The following LRRC43 variants were observed in gnomAD, a reference collection of about 807,000 sequenced individuals.
LRRC43 encodes leucine rich repeat containing 43.
A neutral mutation model predicts 64.3 loss-of-function variants in LRRC43; 62 were observed. The ratio of observed to expected loss-of-function variants is 0.96; its 90% confidence interval spans 0.79 to 1.19. The LOEUF is 1.19. Ranked by LOEUF, LRRC43 falls within the 50% of genes most tolerant of loss-of-function variation. The pLI, the probability that LRRC43 is intolerant of heterozygous loss-of-function variation, is 0.00. For missense variants in LRRC43, 868 were observed against 845.0 expected, an observed-to-expected ratio of 1.03 and a Z score of -0.34; for synonymous variants, 422 against 382.3, an observed-to-expected ratio of 1.10 and a Z score of -1.21.
At chr12:122,176,478 C>T (rs1953537811) in intron 1 of LRRC43, among the ~76,000 whole-genome samples, 1 of 151,832 alleles carries the variant, frequency 6.6e-6, no homozygotes, top group Admixed American at 6.6e-5. Context: ...AGTAGGGAAA[C>T]ATAAGATCAG....
chr12:122,194,240 C>T (rs1015265405), intron 7 of LRRC43, among the ~76,000 whole-genome samples: 1 of 151,232 alleles, frequency 6.6e-6, no homozygotes, highest in Non-Finnish European at 1.5e-5. Context: ...TGTTAACCTT[C>T]TTAGTTACCA....
At chr12:122,186,344 C>A in intron 3 of LRRC43, 44 bp downstream of exon 3, 1 of 1,286,902 alleles carries the variant, frequency 7.8e-7, no homozygotes, top group Non-Finnish European at 1.1e-6. Context: ...GCCTCCGCTG[C>A]CCAGAGGCCT....
At chr12:122,194,469 G>A (rs1953754762) in intron 7 of LRRC43, among the ~76,000 whole-genome samples, 1 of 151,480 alleles carries the variant, frequency 6.6e-6, no homozygotes. Flanking sequence ...CTTAGGCTGG[G>A]GCAGGAGAAT....
chr12:122,186,179 C>G lies in LRRC43; in HGVS notation c.412-11C>G. On this transcript the variant is annotated splice_polypyrimidine_tract_variant and intron_variant, in intron 2 of 11. Coordinates refer to ENST00000339777, the MANE Select transcript of LRRC43 (RefSeq NM_001098519.2). ...CTGCTACAGCCCTCAGCTTCCTCTCCCCTCTTCCAGGTCACCCTGGTGGAT... is the reference window on the plus strand; with the variant it reads ...CTGCTACAGCCCTCAGCTTCCTCTCGCCTCTTCCAGGTCACCCTGGTGGAT... 1 of 1,522,700 alleles carries G rather than the reference C, an allele frequency of 6.6e-7. No homozygotes were observed. The allele number at this position is 1,522,700 out of a possible 1,614,324, so 94.3% of individuals were successfully genotyped here.
chr12:122,184,514 T>A lies in LRRC43; in HGVS notation c.151-5T>A. On this transcript the variant is annotated splice_region_variant and splice_polypyrimidine_tract_variant and intron_variant, in intron 1 of 11. Transcript: ENST00000339777. The surrounding 1 kb of genome is among the most constrained non-coding windows in gnomAD (Gnocchi z 4.0). ...CTACAGAAAATCCCTCCTCTGCCAC[T>A]GCAGAATAAGTCGCGCTTTCTTCCT... is the stretch of plus-strand genomic sequence containing the variant. The A allele has an allele frequency of 6.2e-7, 1 of 1,612,596 alleles. No individual in the cohort carries two copies. The highest frequency in any genetic ancestry group is 2.2e-5 in the East Asian group (1 of 44,866).
In LRRC43 at chr12:122,189,971, C is replaced by T. The variant is rs1953695339; in HGVS notation, c.663-159C>T. The T allele has an allele frequency of 5.7e-6, 4 of 696,682 alleles. No individual in the cohort carries two copies. The South Asian group carries it at 6.6e-5, about 11-fold the overall frequency. 43.2% of individuals were successfully genotyped at this position (696,682 alleles called of 1,614,324 possible). ...GGAGATGAAGAGCCAGGCACTCGTT[C>T]CCGACCCGGGGTTAACTTGGGTCAA... On this transcript the variant is annotated intron_variant, in intron 4 of 11. Coordinates refer to ENST00000339777, the MANE Select transcript of LRRC43 (RefSeq NM_001098519.2).
At chr12:122,168,599 A>G (rs1168826715) in intron 1 of LRRC43, among the ~76,000 whole-genome samples, 1 of 152,040 alleles carries the variant, frequency 6.6e-6, no homozygotes, top group Non-Finnish European at 1.5e-5. Context: ...ATTTTAAGTA[A>G]TTTTAGATTT....
chr12:122,190,255 T>C lies in LRRC43; in HGVS notation c.788T>C (p.Val263Ala). 3 of 1,614,166 alleles carry C rather than the reference T, an allele frequency of 1.9e-6. No individual in the cohort carries two copies. Among genetic ancestry groups the C allele is most frequent in the Non-Finnish European group, 2.5e-6 (3 of 1,180,042 alleles). ...CTGCAGGGAAACCCACTGGCCTTGG[T>C]GCCCTACTACCGCGGCCTCACCATC... ...LVLQGNPLAL[V>A]PYYRGLTIDS... Residue 263 changes from valine (V) to alanine (A), a missense_variant, in exon 5 of 12, where the codon GTG (valine) becomes GCG (alanine). Transcript: ENST00000339777.
chr12:122,173,805 T>C (rs1953511310), intron 1 of LRRC43: 1 of 1,590,622 alleles, frequency 6.3e-7, no homozygotes, highest in Admixed American at 1.7e-5. Context: ...AAGGCATTTT[T>C]AAGAAATCGT....
intron 11 of LRRC43, among the ~76,000 whole-genome samples, chr12:122,202,692 CA>C (rs1484967152): frequency 6.6e-6 from 1 of 152,202 alleles, no homozygotes; most frequent in Non-Finnish European, 1.5e-5. Flanking sequence ...TTGGTAAATT[CA>C]TGGTGGCAGA....
At chr12:122,197,298 T>G (rs1953781856) in intron 7 of LRRC43, among the ~76,000 whole-genome samples, 1 of 151,432 alleles carries the variant, frequency 6.6e-6, no homozygotes, top group South Asian at 2.1e-4. Context: ...GTAGCTGGGA[T>G]TACAGATGCA....
intron 7 of LRRC43, 21 bp downstream of exon 7, chr12:122,193,025 C>A (rs767426885): frequency 1.9e-6 from 3 of 1,611,384 alleles, no homozygotes; most frequent in Middle Eastern, 1.8e-4. Flanking sequence ...AAATCTGAAC[C>A]AGGGCAAGTG....
Position 122,187,848 on chromosome 12 carries a change from G to A in LRRC43, c.662+8G>A, listed in dbSNP as rs371628171. ...CGTCACCGCTAATCACTGGTAACTC[G>A]GGAGCCCAGATGGAAAGTGAGAGGG... is the stretch of plus-strand genomic sequence containing the variant. On this transcript the variant is annotated splice_region_variant and intron_variant, in intron 4 of 11. Transcript: ENST00000339777. The A allele has an allele frequency of 1.2e-5, 20 of 1,613,662 alleles. No homozygotes were observed. The highest frequency in any genetic ancestry group is 3.3e-5 in the Admixed American group (2 of 59,996).
intron 1 of LRRC43, chr12:122,172,586 G>T: frequency 6.2e-7 from 1 of 1,614,168 alleles, no homozygotes; most frequent in South Asian, 1.1e-5. Flanking sequence ...GGTGCTCTAT[G>T]ATCTCATCAA....
intron 4 of LRRC43, chr12:122,189,452 C>T (rs769648591): frequency 4.2e-5 from 19 of 456,698 alleles, no homozygotes; most frequent in East Asian, 1.4e-4. Context: ...GTGCTGACAG[C>T]GGCCGCTTGT....
At chr12:122,195,665 T>C (rs1164348088) in intron 7 of LRRC43, among the ~76,000 whole-genome samples, 1 of 152,212 alleles carries the variant, frequency 6.6e-6, no homozygotes, top group Non-Finnish European at 1.5e-5. Flanking sequence ...CTTCCTGCTT[T>C]CAGGATTTTC....
At chr12:122,185,663 G>T (rs192198694) in intron 2 of LRRC43, among the ~76,000 whole-genome samples, 1 of 152,328 alleles carries the variant, frequency 6.6e-6, no homozygotes, top group African/African-American at 2.4e-5. Context: ...GTAGCAGTTT[G>T]CCAGGGACTT....
At position 122,200,724 on chromosome 12, in the gene LRRC43, T is replaced by C. The variant is rs750171446; in HGVS notation, c.1621-22T>C. ...ACCCTTGCTTCAACTTGTCCCACCC[T>C]CCTGTCCTCCCGTCGTCGCAGGAGT... On this transcript the variant is annotated intron_variant, in intron 9 of 11. Transcript: ENST00000339777. This position sits in a 1 kb window ranked among gnomAD's most constrained non-coding sequence, Gnocchi z 4.6. The C allele has an allele frequency of 6.2e-7, 1 of 1,612,960 alleles. No homozygotes were observed. Among genetic ancestry groups the C allele is most frequent in the African/African-American group, 1.3e-5 (1 of 74,878 alleles).
At chr12:122,187,471 C>A (rs1375031098) in intron 3 of LRRC43, 1 of 486,038 alleles carries the variant, frequency 2.1e-6, no homozygotes, top group African/African-American at 1.9e-5. Flanking sequence ...CATCACCCCC[C>A]ATTCCAGATG....
Sources: allele counts gnomAD v4.1 joint callset (sites outside exome capture counted in the v4.1 genomes callset), GRCh38; gene constraint gnomAD v4.1.1; non-coding constraint Gnocchi (gnomAD v3.1); transcripts MANE v1.5; gene names NCBI Gene and HGNC (gene_info 2026-07-23, HGNC 2026-07-21).